ZFHX3: variants seen among roughly 807,000 people sequenced by gnomAD.
ZFHX3 encodes the protein zinc finger homeobox protein 3.
In ZFHX3, 42 loss-of-function variants were observed where a neutral mutation model predicts 279.1. The ratio of observed to expected loss-of-function variants is 0.15; its 90% CI spans 0.12 to 0.19. The LOEUF (loss-of-function observed/expected upper bound fraction) is 0.19, where lower values mean the gene tolerates loss of function less well. Ranked by LOEUF, ZFHX3 falls within the 10% of genes least tolerant of loss-of-function variation. The pLI, the probability that ZFHX3 is intolerant of heterozygous loss-of-function variation, is 1.00. For missense variants in ZFHX3, 4,981 were observed against 4,754.0 expected (o/e 1.05, Z -1.40); for synonymous variants, 2,293 against 1,957.8 (o/e 1.17, Z -4.52).
At chr16:73,018,252 A>G (rs545176911) in intron 1 of ZFHX3, among the ~76,000 whole-genome samples, 1 of 151,684 alleles carries the variant, frequency 6.6e-6, no homozygotes, top group South Asian at 2.1e-4. Context: ...TTGGCCTCCC[A>G]AAGTGCTGGG....
rs71156164 is a variant in ZFHX3 at position 73,439,909 on chromosome 16, CAAAAAAAAAAAA to C, written c.-1291+16082_-1291+16093del. 4.0e-5 allele frequency among the ~76,000 whole-genome samples: 3 copies of C among 75,432 alleles called. No homozygotes were observed. The East Asian group carries it at 1.3e-3, about 32-fold the overall frequency. 49.5% of individuals were successfully genotyped at this position (75,432 alleles called of 152,430 possible). A position where few individuals can be genotyped will look rare whatever the true frequency, so the allele number is the denominator to read the frequency against. ...CAGTGGGGCAGGAAGGGGAGAGGGACAAAAAAAAAAAAAAAAAAAAAAACACAAAAAAAAAAA... is the reference window on the plus strand; with the variant it reads ...CAGTGGGGCAGGAAGGGGAGAGGGACAAAAAAAAAAACACAAAAAAAAAAA... On this transcript the variant is annotated intron_variant, in intron 3 of 17. Coordinates refer to the ZFHX3 transcript ENST00000641206.
At chr16:73,659,224 G>A (rs1418212582) in intron 2 of ZFHX3, among the ~76,000 whole-genome samples, 1 of 152,122 alleles carries the variant, frequency 6.6e-6, no homozygotes, top group Non-Finnish European at 1.5e-5. Flanking sequence ...TTGGCCAATT[G>A]GCCCTTATGA....
intron 2 of ZFHX3, among the ~76,000 whole-genome samples, chr16:73,526,869 C>A (rs1260103506): frequency 5.3e-5 from 8 of 151,646 alleles, no homozygotes; most frequent in Non-Finnish European, 8.8e-5. Flanking sequence ...CTTAAACATA[C>A]CCTCTACTTC....
At chr16:73,190,506 T>A (rs184704687) in intron 5 of ZFHX3, among the ~76,000 whole-genome samples, 133 of 152,316 alleles carry the variant, frequency 8.7e-4, no homozygotes, top group African/African-American at 3.0e-3. Flanking sequence ...ATTGCTTGCA[T>A]CATAGAAAAT....
chr16:73,209,418 T>C (rs1178601135), intron 5 of ZFHX3, among the ~76,000 whole-genome samples: 3 of 152,176 alleles, frequency 2.0e-5, no homozygotes, highest in Admixed American at 1.3e-4. Flanking sequence ...TGGTGTCTGG[T>C]GAGAGCCTGG....
At chr16:73,712,084 T>C (rs1021432) in intron 1 of ZFHX3, among the ~76,000 whole-genome samples, 137,550 of 152,244 alleles carry the variant, frequency 0.9, 62,556 homozygotes, top group Non-Finnish European at 0.95. Context: ...ATACGGAGGA[T>C]GGAGAGATGA....
chr16:73,392,483 G>C (rs1027304462), intron 3 of ZFHX3, among the ~76,000 whole-genome samples: 1 of 142,392 alleles, frequency 7.0e-6, no homozygotes, highest in Non-Finnish European at 1.5e-5. Flanking sequence ...ATTTTATTGA[G>C]AGATATGGAG....
intron 5 of ZFHX3, among the ~76,000 whole-genome samples, chr16:73,194,153 C>A (rs922876654): frequency 1.3e-5 from 2 of 152,090 alleles, no homozygotes; most frequent in Non-Finnish European, 2.9e-5. Context: ...GGTTCATAGA[C>A]CCCGGTTTAG....
intron 1 of ZFHX3, among the ~76,000 whole-genome samples, chr16:73,863,944 G>T (rs543105872): frequency 1.3e-5 from 2 of 152,238 alleles, no homozygotes; most frequent in Admixed American, 1.3e-4. Context: ...TTTTCTCCAA[G>T]CAAGACAAGT....
At chr16:73,292,283 G>A (rs2014791524) in intron 4 of ZFHX3, among the ~76,000 whole-genome samples, 1 of 152,160 alleles carries the variant, frequency 6.6e-6, no homozygotes, top group African/African-American at 2.4e-5. Flanking sequence ...GGTGTGACAT[G>A]TGGGTATAGA....
chr16:73,581,650 C>T (rs1014746710), intron 2 of ZFHX3, among the ~76,000 whole-genome samples: 14 of 139,712 alleles, frequency 1.0e-4, no homozygotes, highest in South Asian at 4.5e-4. Context: ...CATAAAACTT[C>T]GAATGTCTCT....
At chr16:73,405,693 G>T (rs1330084606) in intron 3 of ZFHX3, among the ~76,000 whole-genome samples, 3 of 151,912 alleles carry the variant, frequency 2.0e-5, no homozygotes, top group Non-Finnish European at 2.9e-5. Flanking sequence ...TTCAGACTAG[G>T]GATGCTTTTG....
chr16:73,088,681 G>T (rs562761965), intron 8 of ZFHX3, among the ~76,000 whole-genome samples: 3 of 152,282 alleles, frequency 2.0e-5, no homozygotes, highest in African/African-American at 7.2e-5. Flanking sequence ...ATGGATCCAG[G>T]TAACTAAATG....
At chr16:73,419,701 G>C (rs2017676928) in intron 3 of ZFHX3, among the ~76,000 whole-genome samples, 1 of 151,542 alleles carries the variant, frequency 6.6e-6, no homozygotes, top group South Asian at 2.1e-4. Flanking sequence ...ACCTGCCTCA[G>C]CCTCTCAAAT....
intron 3 of ZFHX3, among the ~76,000 whole-genome samples, chr16:72,942,892 A>G (rs771901813): frequency 9.2e-5 from 14 of 152,184 alleles, no homozygotes; most frequent in Non-Finnish European, 1.6e-4. Flanking sequence ...TCTTTTGGGG[A>G]ACATGCCAGA....
intron 7 of ZFHX3, among the ~76,000 whole-genome samples, chr16:73,118,975 T>C (rs9940468): frequency 0.63 from 96,182 of 152,044 alleles, 31,109 homozygotes; most frequent in Middle Eastern, 0.73. Context: ...AGCCAGGCAG[T>C]ACCTTTTATT....
At chr16:73,283,310 G>A (rs1303953453) in intron 4 of ZFHX3, among the ~76,000 whole-genome samples, 1 of 152,148 alleles carries the variant, frequency 6.6e-6, no homozygotes, top group Non-Finnish European at 1.5e-5. Flanking sequence ...ATAAAGTCCA[G>A]TAAAGAGAAA....
At chr16:73,524,035 C>T (rs2019650967) in intron 2 of ZFHX3, among the ~76,000 whole-genome samples, 1 of 152,158 alleles carries the variant, frequency 6.6e-6, no homozygotes. Flanking sequence ...ATCCTGGCAG[C>T]TCTGCTGTGC....
At chr16:72,792,937 G>A (rs1483251671) in intron 9 of ZFHX3, among the ~76,000 whole-genome samples, 2 of 152,246 alleles carry the variant, frequency 1.3e-5, no homozygotes, top group Admixed American at 6.5e-5. Context: ...CACAAGGACT[G>A]AATGAAAGGG....
Sources: gnomAD v4.1 joint callset for allele counts (sites outside exome capture counted in the v4.1 genomes callset) on GRCh38, gnomAD v4.1.1 for gene constraint, MANE v1.5 for transcripts, NCBI Gene and HGNC (gene_info 2026-07-23, HGNC 2026-07-21) for gene names.